The following EYS variants were observed in gnomAD, a reference collection of about 807,000 sequenced individuals.
EYS encodes EGF-like photoreceptor maintenance factor, also known as protein eyes shut homolog.
A neutral mutation model predicts 282.1 loss-of-function variants in EYS; 250 were observed. That is an observed-to-expected ratio of 0.89 (90% CI 0.80 to 0.98). The LOEUF (loss-of-function observed/expected upper bound fraction) is 0.98, where lower values mean the gene tolerates loss of function less well. Among genes scored for constraint, EYS ranks in the 50% least tolerant of loss-of-function variants. The pLI is 0.00. For synonymous variants in EYS, 1,355 were observed against 1,282.9 expected (o/e 1.06, Z -1.20); for missense variants, 4,016 against 3,709.0 (o/e 1.08, Z -2.15).
At chr6:64,004,762 C>T (rs1208295710) in intron 33 of EYS, among the ~76,000 whole-genome samples, 1 of 152,188 alleles carries the variant, frequency 6.6e-6, no homozygotes, top group Non-Finnish European at 1.5e-5. Context: ...ATAATGGCCT[C>T]CAACTCCATC....
chr6:64,781,744 A>G (rs529588289), intron 22 of EYS, among the ~76,000 whole-genome samples: 5 of 152,210 alleles, frequency 3.3e-5, no homozygotes, highest in Admixed American at 2.0e-4. Context: ...TTTTTCATAC[A>G]TTGGAGAACA....
chr6:63,925,880 G>A (rs1469011998), intron 35 of EYS, among the ~76,000 whole-genome samples: 3 of 152,096 alleles, frequency 2.0e-5, no homozygotes, highest in South Asian at 2.1e-4. Context: ...TCCTGACCTC[G>A]TGATCCGCCC....
chr6:64,289,101 T>C (rs559154728), intron 30 of EYS, among the ~76,000 whole-genome samples: 2 of 152,066 alleles, frequency 1.3e-5, no homozygotes, highest in Non-Finnish European at 2.9e-5. Context: ...CCATCACGCC[T>C]TCATTATCTG....
Position 64,290,543 on chromosome 6 carries a change from T to C in EYS, c.6191+16427A>G, listed in dbSNP as rs540516001. On this transcript the variant is annotated intron_variant, in intron 30 of 42. Coordinates refer to ENST00000503581, the MANE Select transcript of EYS (RefSeq NM_001142800.2). ...ACCAAATTTTAGTAGCCTAACTTAA[T>C]TATTCATTTTAGCTCGCTTAGCAGT... Among the ~76,000 whole-genome samples the C allele has an allele frequency of 2.2e-4, 34 of 152,204 alleles. 1 individual carries two copies. Among genetic ancestry groups the C allele is most frequent in the African/African-American group, 8.2e-4 (34 of 41,556 alleles).
chr6:64,048,461 C>T (rs1038417144), intron 33 of EYS, among the ~76,000 whole-genome samples: 4 of 152,034 alleles, frequency 2.6e-5, no homozygotes, highest in South Asian at 4.1e-4. Context: ...CATAGTCATC[C>T]GTGCTGTGAC....
At chr6:64,159,946 CA>C (rs796815886) in intron 31 of EYS, among the ~76,000 whole-genome samples, 16 of 151,752 alleles carry the variant, frequency 1.1e-4, no homozygotes, top group East Asian at 3.9e-4. Context: ...TAATTCTGAC[CA>C]AAAAAAGTAT....
At chr6:64,802,383 A>G (rs1764274014) in intron 22 of EYS, among the ~76,000 whole-genome samples, 1 of 152,088 alleles carries the variant, frequency 6.6e-6, no homozygotes, top group Non-Finnish European at 1.5e-5. Flanking sequence ...TTTCATAAAC[A>G]GTAACTAAAC....
intron 30 of EYS, among the ~76,000 whole-genome samples, chr6:64,286,049 G>A (rs948668974): frequency 3.3e-5 from 5 of 152,258 alleles, no homozygotes; most frequent in Non-Finnish European, 5.9e-5. Flanking sequence ...ATATTAGCAA[G>A]AAATAAAGTA....
intron 5 of EYS, among the ~76,000 whole-genome samples, chr6:65,432,652 T>C (rs889538573): frequency 2.6e-5 from 4 of 152,100 alleles, no homozygotes; most frequent in African/African-American, 4.8e-5. Flanking sequence ...TAGGTCCTTA[T>C]AGGGCATTTT....
intron 12 of EYS, among the ~76,000 whole-genome samples, chr6:65,153,228 T>C (rs917349401): frequency 1.3e-5 from 2 of 151,862 alleles, no homozygotes; most frequent in African/African-American, 2.4e-5. Flanking sequence ...CCATGTTCAG[T>C]TGACAGCATT....
chr6:64,437,462 C>T (rs1338618258), intron 27 of EYS, among the ~76,000 whole-genome samples: 1 of 151,578 alleles, frequency 6.6e-6, no homozygotes, highest in Non-Finnish European at 1.5e-5. Context: ...TGTCAATCTC[C>T]ATCTTAAGAA....
chr6:65,672,987 C>T (rs1768446780), intron 1 of EYS, among the ~76,000 whole-genome samples: 2 of 151,988 alleles, frequency 1.3e-5, no homozygotes, highest in South Asian at 4.1e-4. Context: ...CAGTGGGGAG[C>T]TTCTGAGCCA....
chr6:64,707,384 T>C (rs916294828), intron 22 of EYS, among the ~76,000 whole-genome samples: 6 of 151,934 alleles, frequency 3.9e-5, no homozygotes, highest in African/African-American at 1.4e-4. Context: ...GACTACATAT[T>C]GGGGGCCAGG....
chr6:64,016,349 A>G lies in EYS; in HGVS notation c.6726-17166T>C, dbSNP rs530634534. 1.4e-3 allele frequency among the ~76,000 whole-genome samples: 217 copies of G among 152,316 alleles called. 2 individuals carry two copies. Among genetic ancestry groups the G allele is most frequent in the Middle Eastern group, 3.4e-3 (1 of 294 alleles). ...ATAAATGGAAACATTCTTCCCATTT[A>G]TAGGTGAGGAAATTGAGGCACCTAG... On this transcript the variant is annotated intron_variant, in intron 33 of 42. Coordinates refer to ENST00000503581, the MANE Select transcript of EYS (RefSeq NM_001142800.2).
intron 8 of EYS, among the ~76,000 whole-genome samples, chr6:65,380,007 A>C (rs1473694950): frequency 1.3e-5 from 2 of 152,120 alleles, no homozygotes; most frequent in African/African-American, 4.8e-5. Context: ...ATGCTCATGG[A>C]CAGGAAAAAT....
chr6:65,057,522 T>C, intron 13 of EYS, 92 bp downstream of exon 13: 1 of 794,328 alleles, frequency 1.3e-6, no homozygotes, highest in Middle Eastern at 2.3e-4. Flanking sequence ...CTAATAATGT[T>C]GTTGGAAGAC....
intron 29 of EYS, among the ~76,000 whole-genome samples, chr6:64,342,173 A>AT (rs1198126414): frequency 1.3e-5 from 2 of 151,604 alleles, no homozygotes; most frequent in Non-Finnish European, 3.0e-5. Flanking sequence ...AAAATAAATG[A>AT]TCCTGTGTCA....
At chr6:65,358,041 G>A (rs1764561043) in intron 8 of EYS, among the ~76,000 whole-genome samples, 1 of 151,836 alleles carries the variant, frequency 6.6e-6, no homozygotes. Flanking sequence ...AAGTTTCACA[G>A]CGACCTCAGG....
intron 33 of EYS, among the ~76,000 whole-genome samples, chr6:64,004,360 T>G (rs1461918823): frequency 6.6e-6 from 1 of 152,174 alleles, no homozygotes; most frequent in African/African-American, 2.4e-5. Context: ...AATATTTTAA[T>G]ATACTTTCTT....
Sources: gnomAD v4.1 joint callset for allele counts (sites outside exome capture counted in the v4.1 genomes callset) on GRCh38, gnomAD v4.1.1 for gene constraint, MANE v1.5 for transcripts, NCBI Gene and HGNC (gene_info 2026-07-23, HGNC 2026-07-21) for gene names.